Variants in MDN1 observed in about 807,000 individuals in gnomAD.
MDN1 encodes midasin.
In MDN1, 266 loss-of-function variants were observed where a neutral mutation model predicts 669.2. That is an observed-to-expected ratio of 0.40 (90% confidence interval 0.36 to 0.44). MDN1 has a LOEUF of 0.44. MDN1 is among the 20% of genes least tolerant of loss of function. MDN1 has a pLI of 1.00. For missense variants in MDN1, 5,940 were observed against 6,754.0 expected (o/e 0.88, Z 4.22); for synonymous variants, 2,385 against 2,457.1 (o/e 0.97, Z 0.87).
chr6:89,781,604 G>A lies in MDN1; in HGVS notation c.1450-12C>T. 1.1e-5 allele frequency: 17 copies of A among 1,534,276 alleles called. No homozygotes were observed. The highest frequency in any genetic ancestry group is 4.6e-5 in the East Asian group (2 of 43,628). On this transcript the variant is annotated splice_polypyrimidine_tract_variant and intron_variant, in intron 9 of 101. Transcript: ENST00000369393. ...CTGCTCTGAAGAACCTGACAGAGGG[G>A]GAAAAAAAAGAAAATTTAACAGCCA...
At chr6:89,813,688 T>C (rs1768607595) in intron 1 of MDN1, among the ~76,000 whole-genome samples, 1 of 151,534 alleles carries the variant, frequency 6.6e-6, no homozygotes, top group Admixed American at 6.6e-5. Flanking sequence ...CTATGATCAC[T>C]GTACGCTAGC....
At chr6:89,712,817 T>C in intron 47 of MDN1, 31 bp from the exon 48 acceptor site, 1 of 1,592,402 alleles carries the variant, frequency 6.3e-7, no homozygotes, top group Non-Finnish European at 8.6e-7. Flanking sequence ...AATACAGTGG[T>C]ACCAACATAA....
chr6:89,713,061 T>G (rs1814065335), intron 47 of MDN1, 87 bp downstream of exon 47: 1 of 1,443,240 alleles, frequency 6.9e-7, no homozygotes, highest in African/African-American at 1.4e-5. Context: ...CTTAGGTCAC[T>G]GGGTTGCCAC....
intron 12 of MDN1, among the ~76,000 whole-genome samples, chr6:89,775,969 G>T (rs888201793): frequency 7.2e-5 from 11 of 152,128 alleles, no homozygotes; most frequent in Non-Finnish European, 1.3e-4. Context: ...GATTACAGGT[G>T]TGAGCCACCA....
In MDN1 at chr6:89,715,765, A is replaced by G; in HGVS notation, c.6748T>C (p.Ser2250Pro). The G allele has an allele frequency of 6.2e-7, 1 of 1,603,548 alleles. No individual in the cohort carries two copies. The highest frequency in any genetic ancestry group is 8.5e-7 in the Non-Finnish European group (1 of 1,170,464). Residue 2250 changes from serine to proline, a missense_variant, in exon 45 of 102, where the codon TCA becomes CCA. Physicochemically the swap from Ser to Pro is moderately conservative, Grantham distance 74 (BLOSUM62 -1). Around this residue, in one of 5 missense-constraint regions of MDN1, gnomAD observed 2,292 missense variants for 2,638.3 expected, o/e 0.87. Coordinates refer to ENST00000369393, the MANE Select transcript of MDN1 (RefSeq NM_014611.3). ...AAAGCATTCAAACGATCCAACACTG[A>G]TGGGCTGCAGAGACAGAATTCAGAT... ...LMDNVNFCNP[S>P]VLDRLNALLE...
chr6:89,681,481 A>G (rs6908787), intron 73 of MDN1, among the ~76,000 whole-genome samples: 83,180 of 151,952 alleles, frequency 0.55, 23,529 homozygotes, highest in East Asian at 0.9. Flanking sequence ...AGACACAGGA[A>G]TTCAGATGTT....
chr6:89,741,468 AAAGT>A (rs1179844724), intron 31 of MDN1, among the ~76,000 whole-genome samples: 1 of 152,180 alleles, frequency 6.6e-6, no homozygotes, highest in Non-Finnish European at 1.5e-5. Flanking sequence ...CTTTAAAAGA[AAAGT>A]AATAGCGCCC....
intron 1 of MDN1, among the ~76,000 whole-genome samples, chr6:89,818,243 C>G (rs1313990790): frequency 1.4e-5 from 2 of 143,992 alleles, no homozygotes; most frequent in African/African-American, 5.3e-5. Flanking sequence ...CGCTTGAACT[C>G]GAGAGGCGGA....
At chr6:89,669,016 T>C (rs934264619) in intron 83 of MDN1, among the ~76,000 whole-genome samples, 6 of 152,216 alleles carry the variant, frequency 3.9e-5, no homozygotes, top group Non-Finnish European at 5.9e-5. Context: ...ATGAGAGACA[T>C]TCAGAAATAG....
At chr6:89,686,772 A>C in intron 69 of MDN1, 130 bp downstream of exon 69, 1 of 1,228,816 alleles carries the variant, frequency 8.1e-7, no homozygotes, top group Non-Finnish European at 1.1e-6. Flanking sequence ...AATATCATGA[A>C]GTCAAATGGG....
chr6:89,754,088 A>G lies in MDN1; in HGVS notation c.2959T>C (p.Tyr987His). 6.2e-7 allele frequency: 1 copy of G among 1,613,830 alleles called. No homozygotes were observed. Among genetic ancestry groups the G allele is most frequent in the Non-Finnish European group, 8.5e-7 (1 of 1,179,904 alleles). ...NPCGNIQRSL[Y>H]EGFCLGFLTQ... Reference sequence around the variant, plus strand: ...CAAAGAGACTTCAGAAAGACCTCATAGAGTGAGCGCTGAATGTTGCCACAT... The same window carrying G: ...CAAAGAGACTTCAGAAAGACCTCATGGAGTGAGCGCTGAATGTTGCCACAT... The change falls in exon 21 of 102, where the codon TAT becomes CAT. Residue 987 changes from tyrosine to histidine, a missense_variant. Physicochemically the swap from Tyr to His is moderately conservative, Grantham distance 83 (BLOSUM62 2). This residue lies in a region of MDN1 where 1,203 missense variants were observed against 1,268.9 expected (regional missense o/e 0.95). Coordinates refer to ENST00000369393, the MANE Select transcript of MDN1 (RefSeq NM_014611.3).
chr6:89,649,297 A>G (rs1808694964), intron 97 of MDN1, among the ~76,000 whole-genome samples: 1 of 152,246 alleles, frequency 6.6e-6, no homozygotes, highest in South Asian at 2.1e-4. Context: ...TTGTAAATAT[A>G]TATATTCCTC....
chr6:89,786,418 C>G (rs1487274126), intron 8 of MDN1, among the ~76,000 whole-genome samples: 2 of 151,840 alleles, frequency 1.3e-5, no homozygotes, highest in East Asian at 3.9e-4. Context: ...CAGCAAGATT[C>G]CATCTCTAAA....
chr6:89,804,360 G>A (rs935113046), intron 1 of MDN1, among the ~76,000 whole-genome samples: 2 of 152,266 alleles, frequency 1.3e-5, no homozygotes, highest in South Asian at 4.1e-4. Context: ...GAGGATCAGA[G>A]TTAATTTAAT....
intron 89 of MDN1, 101 bp downstream of exon 89, chr6:89,658,509 T>G (rs900636528): frequency 6.6e-7 from 1 of 1,523,550 alleles, no homozygotes; most frequent in Non-Finnish European, 8.9e-7. Context: ...AAGTGCCACA[T>G]GTTGATGGAG....
At chr6:89,742,432 T>C (rs1051459875) in intron 31 of MDN1, among the ~76,000 whole-genome samples, 4 of 39,124 alleles carry the variant, frequency 1.0e-4, no homozygotes, top group Non-Finnish European at 1.6e-4. Context: ...CAAACCCCTA[T>C]CTTCCAAATT....
At chr6:89,659,636 A>C (rs1046249129) in intron 88 of MDN1, among the ~76,000 whole-genome samples, 2 of 152,172 alleles carry the variant, frequency 1.3e-5, no homozygotes, top group African/African-American at 4.8e-5. Context: ...AATCCACCCA[A>C]AAAAACCCCC....
At position 89,677,787 on chromosome 6, in the gene MDN1, T is replaced by C. The variant is rs1411677155; in HGVS notation, c.12413-91A>G. ...CCCTGCTACTCAAAGCAAAGTCTTCTAAACAGCATCACCTGAGAGCTTGTT... is the reference window on the plus strand; with the variant it reads ...CCCTGCTACTCAAAGCAAAGTCTTCCAAACAGCATCACCTGAGAGCTTGTT... On this transcript the variant is annotated intron_variant, in intron 75 of 101. Coordinates refer to ENST00000369393, the MANE Select transcript of MDN1 (RefSeq NM_014611.3). The C allele has an allele frequency of 9.7e-6, 15 of 1,543,546 alleles. No individual in the cohort carries two copies. The East Asian group carries it at 3.2e-4, about 33-fold the overall frequency.
At chr6:89,718,705 C>G in intron 42 of MDN1, 62 bp downstream of exon 42, 2 of 1,607,980 alleles carry the variant, frequency 1.2e-6, no homozygotes, top group Non-Finnish European at 1.7e-6. Flanking sequence ...ACTCAGAAGA[C>G]TCTCAGTCAG....
Sources: allele counts gnomAD v4.1 joint callset (sites outside exome capture counted in the v4.1 genomes callset), GRCh38; gene constraint gnomAD v4.1.1; regional missense constraint gnomAD v4.1.1; transcripts MANE v1.5; gene names NCBI Gene and HGNC (gene_info 2026-07-23, HGNC 2026-07-21).